Variants in REPS2 observed in about 807,000 individuals in gnomAD.
The protein encoded by REPS2 is RALBP1 associated Eps domain containing 2.
REPS2 carries 23 observed loss-of-function variants against 53.6 expected under a neutral mutation model. That is an observed-to-expected ratio of 0.43 (90% CI 0.31 to 0.61). REPS2 has a LOEUF of 0.61. REPS2 is among the 20% of genes least tolerant of loss of function. REPS2 has a pLI of 0.11. For synonymous variants in REPS2, 238 were observed against 218.6 expected, an observed-to-expected ratio of 1.09 and a Z score of -0.78; for missense variants, 446 against 534.9, an observed-to-expected ratio of 0.83 and a Z score of 1.64.
intron 5 of REPS2, among the ~76,000 whole-genome samples, chrX:17,035,543 T>C (rs957907596): frequency 9.0e-6 from 1 of 111,024 alleles, no homozygotes; most frequent in Non-Finnish European, 1.9e-5. Context: ...CCGGATTCTT[T>C]TGGGGTTCAA....
At chrX:17,006,979 A>T (rs1202345715) in intron 2 of REPS2, among the ~76,000 whole-genome samples, 2 of 112,278 alleles carry the variant, frequency 1.8e-5, no homozygotes, top group Admixed American at 1.9e-4. Context: ...CTGCCTCAGG[A>T]TTGGTTTTAA....
intron 2 of REPS2, among the ~76,000 whole-genome samples, chrX:17,009,814 G>T (rs748539141): frequency 3.6e-5 from 4 of 110,760 alleles, no homozygotes; most frequent in Non-Finnish European, 7.6e-5. Context: ...GTTGTACTTT[G>T]TAAAACATTC....
intron 5 of REPS2, chrX:17,044,646 C>G (rs2061879984): frequency 8.9e-6 from 1 of 111,855 alleles, no homozygotes; most frequent in Non-Finnish European, 1.9e-5. Flanking sequence ...GTCTTTCCTG[C>G]CCATGCCTGG....
At position 17,152,646 on chromosome X, in the gene REPS2, T is replaced by C. The variant is rs2063580145; in HGVS notation, c.*5165T>C. 8.9e-6 allele frequency: 1 copy of C among 112,651 alleles called. No homozygotes were observed. The highest frequency in any genetic ancestry group is 2.8e-4 in the East Asian group (1 of 3,589). 9.3% of individuals were successfully genotyped at this position (112,651 alleles called of 1,213,427 possible). A position where few individuals can be genotyped will look rare whatever the true frequency, so the allele number is the denominator to read the frequency against. ...TCCTAAAGCTCTTTCAGGGAGCTCT[T>C]CTCTGGGGCTGGAACAGTTGATTAT... On this transcript the variant is annotated 3_prime_UTR_variant, in exon 18 of 18. Transcript: ENST00000357277.
chrX:16,991,628 G>A (rs1453581089), intron 1 of REPS2, among the ~76,000 whole-genome samples: 2 of 111,153 alleles, frequency 1.8e-5, no homozygotes, highest in African/African-American at 6.6e-5. Context: ...AATTTCAGGT[G>A]AGGTTATACC....
At chrX:17,144,776 C>T (rs916397066) in intron 17 of REPS2, among the ~76,000 whole-genome samples, 2 of 111,981 alleles carry the variant, frequency 1.8e-5, no homozygotes, top group African/African-American at 6.5e-5. Flanking sequence ...TGCCATTTAC[C>T]AGGGTGACTG....
At chrX:17,037,371 C>T (rs1004018303) in intron 5 of REPS2, among the ~76,000 whole-genome samples, 7 of 112,428 alleles carry the variant, frequency 6.2e-5, no homozygotes, top group Non-Finnish European at 9.4e-5. Flanking sequence ...TGCAGTGGCG[C>T]GATCTTGGCT....
the REPS2 span, among the ~76,000 whole-genome samples, chrX:17,185,890 G>A: frequency 9.0e-6 from 1 of 111,224 alleles, no homozygotes. Flanking sequence ...AGGGAGTGGA[G>A]GGATTTTGAT....
chrX:17,044,759 T>A (rs111764588), intron 5 of REPS2, among the ~76,000 whole-genome samples: 114 of 111,677 alleles, frequency 1.0e-3, no homozygotes, highest in African/African-American at 3.5e-3. Flanking sequence ...TCTAATCCAA[T>A]TCAAGCTGAC....
chrX:17,125,340 G>C (rs183727787), intron 14 of REPS2, among the ~76,000 whole-genome samples: 74 of 111,734 alleles, frequency 6.6e-4, no homozygotes, highest in Non-Finnish European at 8.3e-4. Context: ...TTTTGCAAGA[G>C]CACCTGTGGC....
At chrX:17,015,477 T>C (rs1052172645) in intron 2 of REPS2, among the ~76,000 whole-genome samples, 7 of 111,130 alleles carry the variant, frequency 6.3e-5, no homozygotes, top group Non-Finnish European at 9.4e-5. Flanking sequence ...TTGTTACATA[T>C]GTATACATGT....
chrX:17,068,145 C>G (rs1454904374), intron 9 of REPS2, among the ~76,000 whole-genome samples: 1 of 110,128 alleles, frequency 9.1e-6, no homozygotes, highest in East Asian at 2.9e-4. Flanking sequence ...AAGCCCTTCT[C>G]TACTAAAAAA....
chrX:16,987,858 TG>T (rs1170191619), intron 1 of REPS2, among the ~76,000 whole-genome samples: 1 of 112,536 alleles, frequency 8.9e-6, no homozygotes, highest in Non-Finnish European at 1.9e-5. Flanking sequence ...GCTATATCTT[TG>T]AGGTTCTACC....
intron 5 of REPS2, among the ~76,000 whole-genome samples, 198 bp from the exon 6 acceptor site, chrX:17,047,149 A>G (rs1480374109): frequency 8.9e-6 from 1 of 112,020 alleles, no homozygotes; most frequent in African/African-American, 3.2e-5. Context: ...ACTTTGAAGA[A>G]TACAAAAAAT....
Position 17,148,452 on chromosome X carries a change from A to C in REPS2, c.*971A>C, listed in dbSNP as rs1213625295. 4 of 112,471 alleles carry C rather than the reference A, an allele frequency of 3.6e-5. No individual in the cohort carries two copies. Among genetic ancestry groups the C allele is most frequent in the Non-Finnish European group, 7.5e-5 (4 of 53,457 alleles). The allele number at this position is 112,471 out of a possible 1,213,427, so 9.3% of individuals were successfully genotyped here. A position where few individuals can be genotyped will look rare whatever the true frequency, so the allele number is the denominator to read the frequency against. ...AGAAGGGGAAATGGTTGTTACCAACAATCTCTAGTAGTTATTTTAATCTTT... is the reference window on the plus strand; with the variant it reads ...AGAAGGGGAAATGGTTGTTACCAACCATCTCTAGTAGTTATTTTAATCTTT... On this transcript the variant is annotated 3_prime_UTR_variant, in exon 18 of 18. Transcript: ENST00000357277.
intron 14 of REPS2, among the ~76,000 whole-genome samples, chrX:17,105,431 C>T (rs1460390984): frequency 8.9e-6 from 1 of 112,347 alleles, no homozygotes; most frequent in Non-Finnish European, 1.9e-5. Flanking sequence ...CTTTCTCTTC[C>T]TGCACAAATG....
intron 1 of REPS2, among the ~76,000 whole-genome samples, chrX:16,976,645 AG>A (rs774216985): frequency 2.6e-4 from 29 of 111,612 alleles, no homozygotes; most frequent in Admixed American, 8.5e-4. Context: ...GGAGAGTAGA[AG>A]GGGGGTCCTT....
chrX:17,026,454 G>GT (rs781128245), intron 4 of REPS2, among the ~76,000 whole-genome samples: 1,720 of 93,249 alleles, frequency 0.018, 40 homozygotes, highest in African/African-American at 0.053. Flanking sequence ...TCAGGAGTGG[G>GT]TTTTTTTTTT....
chrX:17,167,880 A>G, the REPS2 span, among the ~76,000 whole-genome samples: 1 of 110,743 alleles, frequency 9.0e-6, no homozygotes, highest in Non-Finnish European at 1.9e-5. Flanking sequence ...ACATTTATGA[A>G]TGTCTGCAAT....
Sources: allele counts gnomAD v4.1 joint callset (sites outside exome capture counted in the v4.1 genomes callset), GRCh38; gene constraint gnomAD v4.1.1; transcripts MANE v1.5; gene names NCBI Gene and HGNC (gene_info 2026-07-23, HGNC 2026-07-21).